Variants in NUP188 observed in about 807,000 individuals in gnomAD.
The protein encoded by NUP188 is nucleoporin NUP188.
NUP188 carries 97 observed loss-of-function variants against 223.0 expected under a neutral mutation model. That is an observed-to-expected ratio of 0.43 (90% CI 0.37 to 0.51). The LOEUF is 0.51. Among genes scored for constraint, NUP188 ranks in the 20% least tolerant of loss-of-function variants. The pLI is 0.00. For synonymous variants in NUP188, 869 were observed against 828.0 expected (o/e 1.05, Z -0.85); for missense variants, 1,947 against 2,175.6 (o/e 0.89, Z 2.09).
intron 42 of NUP188, 54 bp downstream of exon 42, chr9:129,006,177 G>GCA: frequency 6.2e-7 from 1 of 1,614,150 alleles, no homozygotes; most frequent in Non-Finnish European, 8.5e-7. Flanking sequence ...TGGGCCCACT[G>GCA]TTCTCAAGCT....
intron 8 of NUP188, among the ~76,000 whole-genome samples, chr9:128,961,644 G>A (rs1029301990): frequency 7.4e-4 from 98 of 132,240 alleles, no homozygotes; most frequent in Non-Finnish European, 1.3e-3. Context: ...TTTTTGAGAC[G>A]GAGTTTCGCT....
rs1588292068 is a variant in NUP188 at position 128,999,784 on chromosome 9, G to A, written c.3822G>A (p.Arg1274=). The A allele has an allele frequency of 6.2e-7, 1 of 1,614,194 alleles. No individual in the cohort carries two copies. The highest frequency in any genetic ancestry group is 8.5e-7 in the Non-Finnish European group (1 of 1,180,038). Residue 1274 remains arginine (R), a synonymous_variant, in exon 34 of 44, where the codon CGG becomes CGA. Coordinates refer to ENST00000372577, the MANE Select transcript of NUP188 (RefSeq NM_015354.3). ...AGACTGACGACTGTTCTCGGTCCCG[G>A]CACAGGGACCAGCGTGATGGGGTGA... is the stretch of plus-strand genomic sequence containing the variant. ...SMETDDCSRS[R]HRDQRDGVCV... is the part of the protein sequence containing the mutation.
chr9:128,998,414 TC>T, intron 31 of NUP188, 123 bp from the exon 32 acceptor site: 2 of 1,029,286 alleles, frequency 1.9e-6, no homozygotes, highest in Admixed American at 1.8e-5. Context: ...CCCTGGCTTC[TC>T]CCCCTCCACT....
chr9:128,986,598 G>T lies in NUP188; in HGVS notation c.2117G>T (p.Cys706Phe). The change falls in exon 21 of 44, where the codon TGT becomes TTT. Residue 706 changes from cysteine (C) to phenylalanine (F), a missense_variant. Physicochemically the swap from Cys to Phe is radical, Grantham distance 205. Transcript: ENST00000372577. ...GSTQSQGLVP[C>F]VMFVLKEMLP... ...ACCCAGAGCCAAGGACTTGTACCCT[G>T]TGTAATGTTTGTGCTGAAGGAGATG... is the stretch of plus-strand genomic sequence containing the variant. 6.2e-7 allele frequency: 1 copy of T among 1,614,196 alleles called. No individual in the cohort carries two copies. Among genetic ancestry groups the T allele is most frequent in the Non-Finnish European group, 8.5e-7 (1 of 1,180,026 alleles).
chr9:128,966,884 A>G (rs1034025407), intron 8 of NUP188, among the ~76,000 whole-genome samples: 3 of 152,220 alleles, frequency 2.0e-5, no homozygotes, highest in Admixed American at 6.5e-5. Context: ...GGTAAAATCA[A>G]TGATGGCATT....
chr9:128,994,464 G>T, intron 28 of NUP188, 22 bp downstream of exon 28: 1 of 1,574,424 alleles, frequency 6.4e-7, no homozygotes, highest in Non-Finnish European at 8.7e-7. Flanking sequence ...CAGAGGGCAG[G>T]ATGGTGGCTA....
At position 128,947,743 on chromosome 9, in the gene NUP188, G is replaced by T. The variant is rs1386657643; in HGVS notation, c.24G>T (p.Pro8=). The T allele has an allele frequency of 6.1e-6, 9 of 1,473,208 alleles. No homozygotes were observed. The East Asian group carries it at 2.1e-4, about 35-fold the overall frequency. The allele number at this position is 1,473,208 out of a possible 1,614,324, so 91.3% of individuals were successfully genotyped here. A position where few individuals can be genotyped will look rare whatever the true frequency, so the allele number is the denominator to read the frequency against. The part of the protein sequence containing the change: MAAAAGG[P]CVRSSRELWT... ...AGATGGCGGCGGCCGCCGGCGGGCC[G>T]TGTGTGAGGTGCGGAGCGGGTCGAA... The change falls in exon 1 of 44, where the codon CCG becomes CCT. Residue 8 remains proline, a synonymous_variant. Coordinates refer to ENST00000372577, the MANE Select transcript of NUP188 (RefSeq NM_015354.3).
chr9:128,962,853 TTTAA>T (rs1231628798), intron 8 of NUP188, among the ~76,000 whole-genome samples: 1 of 152,206 alleles, frequency 6.6e-6, no homozygotes, highest in South Asian at 2.1e-4. Context: ...CAGTTTTTTG[TTTAA>T]TTATGATTTT....
At chr9:128,985,283 A>C in intron 20 of NUP188, 1 of 317,402 alleles carries the variant, frequency 3.2e-6, no homozygotes, top group Non-Finnish European at 5.8e-6. Context: ...AGGGTATTGC[A>C]GTTACTATCA....
intron 8 of NUP188, among the ~76,000 whole-genome samples, chr9:128,959,343 TGTTGGCCAGGCTGGTCTCG>T (rs1464856929): frequency 6.6e-6 from 1 of 151,922 alleles, no homozygotes. Flanking sequence ...GGTTTCACCA[TGTTGGCCAGGCTGGTCTCG>T]AACTCCTGAC....
At chr9:128,995,279 C>A in intron 29 of NUP188, 40 bp from the exon 30 acceptor site, 1 of 1,529,308 alleles carries the variant, frequency 6.5e-7, no homozygotes, top group Non-Finnish European at 9.1e-7. Flanking sequence ...TTCCCATCTG[C>A]TTTCAAAATC....
chr9:129,005,722 C>G lies in NUP188; in HGVS notation c.4815C>G (p.Pro1605=), dbSNP rs1379825470. 2 of 1,614,042 alleles carry G rather than the reference C, an allele frequency of 1.2e-6. No individual in the cohort carries two copies. Among genetic ancestry groups the G allele is most frequent in the South Asian group, 2.2e-5 (2 of 91,088 alleles). Residue 1605 remains proline (P), a synonymous_variant, in exon 41 of 44, where the codon CCC becomes CCG. Coordinates refer to ENST00000372577, the MANE Select transcript of NUP188 (RefSeq NM_015354.3). ...TTPTFDSEVA[P]SFGTLLATVN... Reference sequence around the variant, plus strand: ...CCACCTTTGACTCCGAAGTGGCCCCCTCCTTCGGGACCCTTCTGGCCACAG... The same window carrying G: ...CCACCTTTGACTCCGAAGTGGCCCCGTCCTTCGGGACCCTTCTGGCCACAG...
intron 3 of NUP188, among the ~76,000 whole-genome samples, chr9:128,954,021 G>A (rs895523347): frequency 2.0e-5 from 3 of 151,904 alleles, no homozygotes; most frequent in African/African-American, 7.2e-5. Context: ...GTAGAGATGG[G>A]GTTTCACCAT....
At chr9:128,949,919 C>CTTTTTTTTTTT (rs35705253) in intron 2 of NUP188, among the ~76,000 whole-genome samples, 1 of 81,234 alleles carries the variant, frequency 1.2e-5, no homozygotes, top group African/African-American at 5.6e-5. Flanking sequence ...GTGACGGCCA[C>CTTTTTTTTTTT]TTTTTTTTTT....
intron 34 of NUP188, among the ~76,000 whole-genome samples, chr9:129,001,011 T>G (rs1842649420): frequency 6.6e-6 from 1 of 152,084 alleles, no homozygotes; most frequent in African/African-American, 2.4e-5. Flanking sequence ...CACTCCAGCC[T>G]GGGGGACAGA....
At chr9:129,001,349 T>A (rs986479324) in intron 34 of NUP188, among the ~76,000 whole-genome samples, 180 bp from the exon 35 acceptor site, 64 of 152,240 alleles carry the variant, frequency 4.2e-4, no homozygotes, top group African/African-American at 1.4e-3. Context: ...CTGCTGTTCA[T>A]TGAGAGCTGG....
intron 8 of NUP188, among the ~76,000 whole-genome samples, chr9:128,966,710 T>C (rs533746172): frequency 2.0e-5 from 3 of 152,348 alleles, no homozygotes; most frequent in African/African-American, 4.8e-5. Context: ...ATTTTAGTCT[T>C]CTAAAATTTA....
Position 128,984,124 on chromosome 9 carries a change from A to ATTT in NUP188, c.1961+591_1961+593dup, listed in dbSNP as rs1193631566. ...GGCGTGAGCCACCGCGCCTGGCCTG[A>ATTT]TTTTTTTTTTTTTTTTTTTGAGATG... On this transcript the variant is annotated intron_variant, in intron 19 of 43. Coordinates refer to ENST00000372577, the MANE Select transcript of NUP188 (RefSeq NM_015354.3). Among the ~76,000 whole-genome samples the ATTT allele has an allele frequency of 4.5e-4, 42 of 93,052 alleles. 3 individuals carry two copies. The highest frequency in any genetic ancestry group is 2.1e-3 in the African/African-American group (36 of 16,968). The allele number at this position is 93,052 out of a possible 152,430, so 61.0% of individuals were successfully genotyped here. A position where few individuals can be genotyped will look rare whatever the true frequency, so the allele number is the denominator to read the frequency against.
rs1473563337 is a variant in NUP188 at position 128,957,044 on chromosome 9, A to G, written c.327+12A>G. On this transcript the variant is annotated intron_variant, in intron 5 of 43. Coordinates refer to ENST00000372577, the MANE Select transcript of NUP188 (RefSeq NM_015354.3). Reference sequence around the variant, plus strand: ...GGGACTCAGTAAAGGTTTGTGGTTTATGTCAGCTCCTTTCTTCTGCCTTTA... The same window carrying G: ...GGGACTCAGTAAAGGTTTGTGGTTTGTGTCAGCTCCTTTCTTCTGCCTTTA... 2.6e-6 allele frequency: 4 copies of G among 1,568,616 alleles called. No homozygotes were observed. The highest frequency in any genetic ancestry group is 3.5e-6 in the Non-Finnish European group (4 of 1,146,984).
Sources: allele counts gnomAD v4.1 joint callset (sites outside exome capture counted in the v4.1 genomes callset), GRCh38; gene constraint gnomAD v4.1.1; transcripts MANE v1.5; gene names NCBI Gene and HGNC (gene_info 2026-07-23, HGNC 2026-07-21).